The following DNM1L variants were observed in gnomAD, a reference collection of about 807,000 sequenced individuals.
DNM1L encodes dynamin 1L.
A neutral mutation model predicts 92.8 loss-of-function variants in DNM1L; 33 were observed. The observed-to-expected ratio is 0.36, with a 90% CI of 0.27 to 0.48. The LOEUF is 0.48. Among genes scored for constraint, DNM1L ranks in the 20% least tolerant of loss-of-function variants. The probability of loss-of-function intolerance (pLI) is 0.99; values close to 1 mark genes in which losing one functional copy is unlikely to be tolerated. For synonymous variants in DNM1L, 284 were observed against 305.0 expected, an observed-to-expected ratio of 0.93 and a Z score of 0.72; for missense variants, 485 against 888.8, an observed-to-expected ratio of 0.55 and a Z score of 5.78.
chr12:32,711,050 G>A, intron 5 of DNM1L, 35 bp downstream of exon 5: 1 of 1,582,034 alleles, frequency 6.3e-7, no homozygotes, highest in Non-Finnish European at 8.7e-7. Flanking sequence ...TGGTCAGGTT[G>A]TTTTCACTTC....
chr12:32,716,810 T>C (rs924151737), intron 6 of DNM1L, among the ~76,000 whole-genome samples: 2 of 147,142 alleles, frequency 1.4e-5, no homozygotes, highest in Non-Finnish European at 3.0e-5. Context: ...CTGAGAAATA[T>C]GTGAGTTGTT....
intron 6 of DNM1L, among the ~76,000 whole-genome samples, chr12:32,714,825 T>A (rs1953290484): frequency 1.4e-5 from 2 of 142,236 alleles, no homozygotes; most frequent in African/African-American, 2.6e-5. Context: ...CCATCTCTAT[T>A]AAAAAAAAAA....
intron 13 of DNM1L, 64 bp downstream of exon 13, chr12:32,733,871 A>G: frequency 7.1e-7 from 1 of 1,408,608 alleles, no homozygotes; most frequent in African/African-American, 1.4e-5. Flanking sequence ...AGTTATATCA[A>G]ACTTATTTAG....
In DNM1L at chr12:32,731,379, G is replaced by C. The variant is rs1954543989; in HGVS notation, c.1224G>C (p.Val408=). Residue 408 remains valine, a synonymous_variant, in exon 11 of 20, where the codon GTG becomes GTC. Coordinates refer to ENST00000549701, the MANE Select transcript of DNM1L (RefSeq NM_012062.5). This position sits in a 1 kb window ranked among gnomAD's most constrained non-coding sequence, Gnocchi z 5.1. ...AGGGTCCTCGTCCTGCTTTATTTGT[G>C]CCTGAGGTTTCATTTGAGTTACTGG... ...NATGPRPALF[V]PEVSFELLVK... is the part of the protein sequence containing the mutation. 1 of 1,614,100 alleles carries C rather than the reference G, an allele frequency of 6.2e-7. No individual in the cohort carries two copies. The highest frequency in any genetic ancestry group is 8.5e-7 in the Non-Finnish European group (1 of 1,180,036).
intron 18 of DNM1L, among the ~76,000 whole-genome samples, chr12:32,741,216 C>T (rs369773896): frequency 6.6e-5 from 10 of 152,258 alleles, no homozygotes; most frequent in Admixed American, 6.5e-5. Flanking sequence ...GTAGAAATAA[C>T]AGTTCCTAGT....
rs1229295424 is a variant in DNM1L, at chr12:32,724,591, AAAATATAT to A, written c.1079+1960_1079+1967del. Among the ~76,000 whole-genome samples the A allele has an allele frequency of 2.2e-3, 151 of 68,860 alleles. 1 individual carries two copies. The highest frequency in any genetic ancestry group is 0.015 in the South Asian group (35 of 2,396). 45.2% of individuals were successfully genotyped at this position (68,860 alleles called of 152,430 possible). On this transcript the variant is annotated intron_variant, in intron 9 of 19. Coordinates refer to ENST00000549701, the MANE Select transcript of DNM1L (RefSeq NM_012062.5). ...ACTCTATCTCCAAAAAAAAAAAAAA[AAAATATAT>A]ATATATATATATATATATATAAATT...
intron 3 of DNM1L, 46 bp from the exon 4 acceptor site, chr12:32,708,107 T>G: frequency 8.4e-7 from 1 of 1,188,976 alleles, no homozygotes. Flanking sequence ...TAAGAACTTT[T>G]GATCTTATTT....
At chr12:32,679,979 G>C (rs1951747332) in intron 1 of DNM1L, 2 of 985,412 alleles carry the variant, frequency 2.0e-6, no homozygotes, top group Non-Finnish European at 2.4e-6. Context: ...GAGGCTGAGA[G>C]ACGCTACGGT....
chr12:32,745,332 CA>C lies in DNM1L; in HGVS notation c.*1923del. The C allele has an allele frequency of 4.5e-6, 1 of 220,672 alleles. No individual in the cohort carries two copies. The highest frequency in any genetic ancestry group is 2.4e-5 in the African/African-American group (1 of 42,254). The allele number at this position is 220,672 out of a possible 1,614,324, so 13.7% of individuals were successfully genotyped here. On this transcript the variant is annotated 3_prime_UTR_variant, in exon 20 of 20. Transcript: ENST00000549701. ...TACGATGCACTTTTCTCCAGCACAT[CA>C]GATTTCAAATTGAAAATTAAAGACA...
intron 13 of DNM1L, among the ~76,000 whole-genome samples, chr12:32,736,201 A>G (rs1232188169): frequency 6.6e-6 from 1 of 150,522 alleles, no homozygotes; most frequent in Non-Finnish European, 1.5e-5. Context: ...CCTCCTGAGT[A>G]GCTGGGATTA....
At chr12:32,709,735 T>TA (rs1953052662) in intron 4 of DNM1L, 1 of 152,200 alleles carries the variant, frequency 6.6e-6, no homozygotes, top group Non-Finnish European at 1.5e-5. Flanking sequence ...GTTGCAAAGG[T>TA]ACTGGGCAGA....
Position 32,743,234 on chromosome 12 carries a change from T to C in DNM1L, c.2155-120T>C, listed in dbSNP as rs1955442005. The C allele has an allele frequency of 1.2e-5, 10 of 836,030 alleles. No individual in the cohort carries two copies. The East Asian group carries it at 2.7e-4, about 22-fold the overall frequency. The allele number at this position is 836,030 out of a possible 1,614,324, so 51.8% of individuals were successfully genotyped here. ...TTCTAATTCCAGAGAAGATATTGGT[T>C]AGTATAAACTGGTTAGTTATAAACC... On this transcript the variant is annotated intron_variant, in intron 19 of 19. Transcript: ENST00000549701.
chr12:32,708,285 T>C (rs1264517744), intron 4 of DNM1L, 61 bp downstream of exon 4: 22 of 1,104,506 alleles, frequency 2.0e-5, no homozygotes, highest in Non-Finnish European at 3.0e-5. Flanking sequence ...TGAGGTATTC[T>C]GTACATAATA....
At chr12:32,720,632 G>A (rs369762962) in intron 7 of DNM1L, 32 bp from the exon 8 acceptor site, 5 of 1,613,110 alleles carry the variant, frequency 3.1e-6, no homozygotes, top group Non-Finnish European at 3.4e-6. Context: ...CAACAGTTAA[G>A]CTGAATAGTT....
At chr12:32,705,414 C>T (rs1014892032) in intron 2 of DNM1L, 4 of 159,054 alleles carry the variant, frequency 2.5e-5, no homozygotes, top group African/African-American at 9.6e-5. Context: ...TTAGACTAGT[C>T]AAGTGCAGTA....
chr12:32,715,846 C>T (rs183310129), intron 6 of DNM1L, among the ~76,000 whole-genome samples: 2 of 152,286 alleles, frequency 1.3e-5, no homozygotes, highest in East Asian at 3.9e-4. Flanking sequence ...TTTTGGGAAA[C>T]AGTCTGGCAG....
At chr12:32,733,572 G>T in intron 12 of DNM1L, 143 bp from the exon 13 acceptor site, 2 of 687,416 alleles carry the variant, frequency 2.9e-6, no homozygotes, top group African/African-American at 1.8e-5. Context: ...TTTATCAGTT[G>T]GAATATAATT....
At position 32,707,370 on chromosome 12, in the gene DNM1L, T is replaced by C; in HGVS notation, c.254T>C (p.Val85Ala). 1 of 1,606,892 alleles carries C rather than the reference T, an allele frequency of 6.2e-7. No homozygotes were observed. Among genetic ancestry groups the C allele is most frequent in the Non-Finnish European group, 8.5e-7 (1 of 1,176,770 alleles). Residue 85 changes from valine to alanine, a missense_variant, in exon 3 of 20, where the codon GTG becomes GCG. This residue lies in a region of DNM1L where 159 missense variants were observed against 275.9 expected (regional missense o/e 0.58). Coordinates refer to ENST00000549701, the MANE Select transcript of DNM1L (RefSeq NM_012062.5). The part of the protein sequence containing the change: ...KRKTTGEENG[V>A]EAEEWGKFLH... The stretch of plus-strand genomic sequence containing the variant: ...AATGAGTTTTTCTTTTTTCCAGGGG[T>C]GGAAGCAGAAGAATGGGGTAAATTT...
At chr12:32,727,364 T>A (rs1724738976) in intron 9 of DNM1L, 1 of 781,564 alleles carries the variant, frequency 1.3e-6, no homozygotes, top group Admixed American at 1.7e-5. Flanking sequence ...AGGTTGTCAA[T>A]GTCTGCCATG....
Sources: gnomAD v4.1 joint callset for allele counts (sites outside exome capture counted in the v4.1 genomes callset) on GRCh38, gnomAD v4.1.1 for gene constraint, gnomAD v4.1.1 regional missense constraint, Gnocchi (gnomAD v3.1) non-coding constraint, MANE v1.5 for transcripts, NCBI Gene and HGNC (gene_info 2026-07-23, HGNC 2026-07-21) for gene names.